The following BFSP2 variants were observed in gnomAD, a reference collection of about 807,000 sequenced individuals.
BFSP2 encodes the protein phakinin.
Under a neutral mutation model 44.9 loss-of-function variants are expected in BFSP2, and 38 were observed. That is an observed-to-expected ratio of 0.85 (90% CI 0.65 to 1.11). BFSP2 has a LOEUF of 1.11. BFSP2 is among the 50% of genes least tolerant of loss of function. BFSP2 has a pLI of 0.00. For synonymous variants in BFSP2, 197 were observed against 209.9 expected, an observed-to-expected ratio of 0.94 and a Z score of 0.53; for missense variants, 525 against 533.0, an observed-to-expected ratio of 0.99 and a Z score of 0.15.
intron 1 of BFSP2, among the ~76,000 whole-genome samples, chr3:133,414,592 G>A (rs1576560753): frequency 2.7e-5 from 2 of 75,398 alleles, no homozygotes; most frequent in East Asian, 4.1e-4. Flanking sequence ...ACTCAGCCCT[G>A]TCCTCTCCCC....
chr3:133,411,997 G>C (rs1310600190), intron 1 of BFSP2, among the ~76,000 whole-genome samples: 1 of 152,212 alleles, frequency 6.6e-6, no homozygotes, highest in Non-Finnish European at 1.5e-5. Context: ...AATTGAGAAA[G>C]TATTACGAAA....
intron 5 of BFSP2, among the ~76,000 whole-genome samples, chr3:133,472,075 C>T (rs750830359): frequency 6.6e-6 from 1 of 152,098 alleles, no homozygotes; most frequent in East Asian, 1.9e-4. Flanking sequence ...TTTTCTCCCT[C>T]CCTCTCTCCT....
At chr3:133,442,968 C>G (rs1232044699) in intron 1 of BFSP2, among the ~76,000 whole-genome samples, 1 of 151,978 alleles carries the variant, frequency 6.6e-6, no homozygotes, top group Non-Finnish European at 1.5e-5. Flanking sequence ...AGCCATGATC[C>G]TGCCTCAGCC....
intron 1 of BFSP2, among the ~76,000 whole-genome samples, chr3:133,442,068 C>T (rs967313392): frequency 6.6e-6 from 1 of 152,140 alleles, no homozygotes; most frequent in Non-Finnish European, 1.5e-5. Context: ...GCCTTGAAGG[C>T]CACTTCAGAA....
At chr3:133,431,841 A>C (rs904477485) in intron 1 of BFSP2, among the ~76,000 whole-genome samples, 7 of 151,510 alleles carry the variant, frequency 4.6e-5, no homozygotes, top group Admixed American at 2.0e-4. Context: ...CCTTTTAAGC[A>C]CTCCTTTTTA....
At chr3:133,450,938 T>C (rs1023492254) in intron 4 of BFSP2, among the ~76,000 whole-genome samples, 1 of 151,956 alleles carries the variant, frequency 6.6e-6, no homozygotes, top group Non-Finnish European at 1.5e-5. Flanking sequence ...GGTGAAACAC[T>C]GTCTCTACTA....
intron 1 of BFSP2, among the ~76,000 whole-genome samples, chr3:133,403,196 T>A (rs554545846): frequency 6.6e-6 from 1 of 152,260 alleles, no homozygotes; most frequent in South Asian, 2.1e-4. Context: ...GCAGCCACTC[T>A]GCGGTCCTGG....
intron 1 of BFSP2, among the ~76,000 whole-genome samples, chr3:133,431,727 T>G (rs1205752085): frequency 6.6e-6 from 1 of 152,118 alleles, no homozygotes; most frequent in Non-Finnish European, 1.5e-5. Flanking sequence ...TTACCTTCTT[T>G]TCAAGGGTCT....
chr3:133,424,385 T>G (rs1326348259), intron 1 of BFSP2, among the ~76,000 whole-genome samples: 1 of 151,914 alleles, frequency 6.6e-6, no homozygotes, highest in Non-Finnish European at 1.5e-5. Context: ...CTACTTCTAT[T>G]CGTGACAGAA....
chr3:133,427,758 TC>T (rs1489867678), intron 1 of BFSP2, among the ~76,000 whole-genome samples: 3 of 152,188 alleles, frequency 2.0e-5, no homozygotes, highest in Admixed American at 2.0e-4. Flanking sequence ...AATAGTTTGT[TC>T]CCTTCGTTAC....
chr3:133,437,848 C>T (rs6762405), intron 1 of BFSP2, among the ~76,000 whole-genome samples: 55,682 of 151,944 alleles, frequency 0.37, 12,697 homozygotes, highest in African/African-American at 0.65. Flanking sequence ...AGTGGGGAAG[C>T]AAAACAATGA....
intron 1 of BFSP2, among the ~76,000 whole-genome samples, chr3:133,428,913 A>T (rs1307411778): frequency 1.3e-5 from 2 of 152,156 alleles, no homozygotes; most frequent in African/African-American, 4.8e-5. Context: ...TTTCTTTTCC[A>T]AGTTGATTTT....
chr3:133,410,146 T>C lies in BFSP2; in HGVS notation c.489+9574T>C, dbSNP rs567499180. 1.8e-4 allele frequency: 30 copies of C among 169,578 alleles called. 1 individual carries two copies. The South Asian group carries it at 2.6e-3, about 15-fold the overall frequency. 10.5% of individuals were successfully genotyped at this position (169,578 alleles called of 1,614,324 possible). On this transcript the variant is annotated intron_variant, in intron 1 of 6. Coordinates refer to ENST00000302334, the MANE Select transcript of BFSP2 (RefSeq NM_003571.4). ...TTGGAAACTATGGTGAAATGAAAGATTTTATAGGAGACAAATCTATACCAA... is the reference window on the plus strand; with the variant it reads ...TTGGAAACTATGGTGAAATGAAAGACTTTATAGGAGACAAATCTATACCAA...
At chr3:133,438,750 G>T (rs2073816399) in intron 1 of BFSP2, among the ~76,000 whole-genome samples, 1 of 152,164 alleles carries the variant, frequency 6.6e-6, no homozygotes, top group Non-Finnish European at 1.5e-5. Flanking sequence ...AATATTTACA[G>T]ATTTTCCAAG....
At chr3:133,423,767 C>A (rs530984226) in intron 1 of BFSP2, among the ~76,000 whole-genome samples, 4 of 152,110 alleles carry the variant, frequency 2.6e-5, no homozygotes, top group African/African-American at 7.2e-5. Flanking sequence ...CTGCTGGCTG[C>A]TCTAGGAACT....
chr3:133,447,404 T>A lies in BFSP2; in HGVS notation c.572+5T>A, dbSNP rs768557745. 2.5e-6 allele frequency: 4 copies of A among 1,613,578 alleles called. No homozygotes were observed. The highest frequency in any genetic ancestry group is 3.4e-6 in the Non-Finnish European group (4 of 1,179,802). On this transcript the variant is annotated splice_donor_5th_base_variant and intron_variant, in intron 2 of 6. Coordinates refer to ENST00000302334, the MANE Select transcript of BFSP2 (RefSeq NM_003571.4). Reference sequence around the variant, plus strand: ...AGCAGATGACTTTAAAGAGAGGTAATGTCTTACAGCAGAGGCGACAGTCCC... The same window carrying A: ...AGCAGATGACTTTAAAGAGAGGTAAAGTCTTACAGCAGAGGCGACAGTCCC...
intron 1 of BFSP2, among the ~76,000 whole-genome samples, chr3:133,420,478 C>T (rs1056477788): frequency 2.0e-5 from 3 of 152,130 alleles, no homozygotes; most frequent in Non-Finnish European, 4.4e-5. Context: ...ATAGAATCAC[C>T]GCGTGCCCTT....
intron 1 of BFSP2, among the ~76,000 whole-genome samples, chr3:133,437,471 C>T (rs567055846): frequency 6.6e-5 from 10 of 151,542 alleles, no homozygotes; most frequent in African/African-American, 1.9e-4. Flanking sequence ...TGCGGCGAGC[C>T]GAGATCACGC....
chr3:133,472,228 C>T, intron 5 of BFSP2, 117 bp from the exon 6 acceptor site: 1 of 1,180,976 alleles, frequency 8.5e-7, no homozygotes, highest in Non-Finnish European at 1.2e-6. Flanking sequence ...GGCAAGGTCC[C>T]TGCCACGAGG....
Sources: allele counts gnomAD v4.1 joint callset (sites outside exome capture counted in the v4.1 genomes callset), GRCh38; gene constraint gnomAD v4.1.1; transcripts MANE v1.5; gene names NCBI Gene and HGNC (gene_info 2026-07-23, HGNC 2026-07-21).